Variants in VWC2L observed in about 807,000 individuals in gnomAD.
VWC2L encodes the protein von Willebrand factor C domain-containing protein 2-like.
In VWC2L, 10 loss-of-function variants were observed where a neutral mutation model predicts 21.6. The ratio of observed to expected loss-of-function variants is 0.46; its 90% CI spans 0.29 to 0.78. VWC2L has a LOEUF of 0.78. Among genes scored for constraint, VWC2L ranks in the 30% least tolerant of loss-of-function variants. VWC2L has a pLI of 0.10. For missense variants in VWC2L, 209 were observed against 277.1 expected (o/e 0.75, Z 1.74); for synonymous variants, 96 against 94.3 (o/e 1.02, Z -0.10).
In VWC2L at chr2:214,547,140, A is replaced by G. The variant is rs1444539796; in HGVS notation, c.521-28532A>G. On this transcript the variant is annotated intron_variant, in intron 3 of 3. Coordinates refer to ENST00000312504, the MANE Select transcript of VWC2L (RefSeq NM_001080500.4). The stretch of plus-strand genomic sequence containing the variant: ...TCTGAAGGCCCCCTTGAATGCTAAT[A>G]TATATGCAGAAGTAAACTGGAAGAT... Among the ~76,000 whole-genome samples, 4 of 152,282 alleles carry G rather than the reference A, an allele frequency of 2.6e-5. No individual in the cohort carries two copies. The East Asian group carries it at 7.7e-4, about 29-fold the overall frequency.
intron 3 of VWC2L, among the ~76,000 whole-genome samples, chr2:214,492,452 C>T (rs568531317): frequency 1.3e-4 from 20 of 152,162 alleles, no homozygotes; most frequent in Non-Finnish European, 2.8e-4. Flanking sequence ...AACAATAATG[C>T]ATCAAAGAGA....
intron 2 of VWC2L, among the ~76,000 whole-genome samples, chr2:214,435,413 A>G (rs1393482630): frequency 6.6e-6 from 1 of 152,218 alleles, no homozygotes. Flanking sequence ...TTTGAAAGCA[A>G]AGTAATTTAA....
chr2:214,460,126 C>T (rs1338078484), intron 3 of VWC2L, among the ~76,000 whole-genome samples: 1 of 152,014 alleles, frequency 6.6e-6, no homozygotes, highest in Non-Finnish European at 1.5e-5. Context: ...CAGTTTCACT[C>T]CTGACCTCAG....
At chr2:214,500,759 G>A (rs1404566546) in intron 3 of VWC2L, among the ~76,000 whole-genome samples, 2 of 152,206 alleles carry the variant, frequency 1.3e-5, no homozygotes, top group Non-Finnish European at 2.9e-5. Flanking sequence ...ATCAGTATCA[G>A]GTAGACAACT....
At chr2:214,514,022 G>C (rs1340834606) in intron 3 of VWC2L, among the ~76,000 whole-genome samples, 1 of 151,960 alleles carries the variant, frequency 6.6e-6, no homozygotes, top group Non-Finnish European at 1.5e-5. Flanking sequence ...CTTTGGCTTG[G>C]GGTTTTATTT....
chr2:214,576,033 A>C lies in VWC2L; in HGVS notation c.*213A>C. On this transcript the variant is annotated 3_prime_UTR_variant, in exon 4 of 4. Transcript: ENST00000312504. Reference sequence around the variant, plus strand: ...ATATATATAGTATATAGCTATCTAAATCGCTTTTGTATTTACCAATGCTTG... The same window carrying C: ...ATATATATAGTATATAGCTATCTAACTCGCTTTTGTATTTACCAATGCTTG... 3.1e-6 allele frequency: 1 copy of C among 326,344 alleles called. No homozygotes were observed. The allele number at this position is 326,344 out of a possible 1,614,324, so 20.2% of individuals were successfully genotyped here. A position where few individuals can be genotyped will look rare whatever the true frequency, so the allele number is the denominator to read the frequency against.
intron 2 of VWC2L, among the ~76,000 whole-genome samples, chr2:214,416,794 TAGG>T (rs1473775965): frequency 6.6e-6 from 1 of 152,044 alleles, no homozygotes; most frequent in African/African-American, 2.4e-5. Context: ...TCACTTTCCT[TAGG>T]AGGAGAGGTT....
At chr2:214,491,321 G>T (rs757316706) in intron 3 of VWC2L, among the ~76,000 whole-genome samples, 8 of 152,170 alleles carry the variant, frequency 5.3e-5, no homozygotes, top group Non-Finnish European at 1.2e-4. Flanking sequence ...ATCTGCAGAA[G>T]AAAGGGGTAA....
intron 3 of VWC2L, among the ~76,000 whole-genome samples, chr2:214,463,623 T>A (rs1703173897): frequency 6.6e-6 from 1 of 152,162 alleles, no homozygotes; most frequent in African/African-American, 2.4e-5. Context: ...TTCTTCATTC[T>A]TTTTCATTTT....
intron 3 of VWC2L, among the ~76,000 whole-genome samples, chr2:214,553,291 T>C (rs1297161777): frequency 6.6e-6 from 1 of 152,266 alleles, no homozygotes; most frequent in Non-Finnish European, 1.5e-5. Context: ...GAGTGACTGA[T>C]GGCCTATGAC....
intron 3 of VWC2L, among the ~76,000 whole-genome samples, chr2:214,563,769 A>T (rs1198801198): frequency 1.3e-5 from 2 of 152,136 alleles, no homozygotes; most frequent in Admixed American, 6.6e-5. Flanking sequence ...ACTCCCCTTG[A>T]AAACCAGTAC....
At chr2:214,563,266 G>A (rs1030881805) in intron 3 of VWC2L, among the ~76,000 whole-genome samples, 1 of 152,068 alleles carries the variant, frequency 6.6e-6, no homozygotes, top group African/African-American at 2.4e-5. Context: ...AGTGGTTGTA[G>A]GCCGGGTGCG....
At position 214,452,439 on chromosome 2, in the gene VWC2L, A is replaced by G. The variant is rs550327490; in HGVS notation, c.520+15681A>G. Reference sequence around the variant, plus strand: ...TTCATACATGCTGTGGCATGTATCAATGGTTCATTCCTTTTTAACTACTTG... The same window carrying G: ...TTCATACATGCTGTGGCATGTATCAGTGGTTCATTCCTTTTTAACTACTTG... On this transcript the variant is annotated intron_variant, in intron 3 of 3. Transcript: ENST00000312504. Among the ~76,000 whole-genome samples, 25 of 152,286 alleles carry G rather than the reference A, an allele frequency of 1.6e-4. 1 individual carries two copies. Among genetic ancestry groups the G allele is most frequent in the Middle Eastern group, 3.4e-3 (1 of 294 alleles).
chr2:214,541,578 G>A (rs1003599257), intron 3 of VWC2L, among the ~76,000 whole-genome samples: 1 of 152,214 alleles, frequency 6.6e-6, no homozygotes, highest in African/African-American at 2.4e-5. Flanking sequence ...AGCATGCAGT[G>A]TGATGAAGAC....
At chr2:214,432,025 G>A (rs747256489) in intron 2 of VWC2L, among the ~76,000 whole-genome samples, 2 of 152,086 alleles carry the variant, frequency 1.3e-5, no homozygotes, top group Admixed American at 6.6e-5. Flanking sequence ...GTTATTTCAC[G>A]ACTCACAGTC....
At chr2:214,521,978 A>T (rs1689248133) in intron 3 of VWC2L, among the ~76,000 whole-genome samples, 1 of 152,236 alleles carries the variant, frequency 6.6e-6, no homozygotes, top group African/African-American at 2.4e-5. Context: ...AGCAGGCAGG[A>T]AGCAGTGATA....
At chr2:214,434,024 A>G (rs530721198) in intron 2 of VWC2L, among the ~76,000 whole-genome samples, 3 of 152,218 alleles carry the variant, frequency 2.0e-5, no homozygotes, top group African/African-American at 7.2e-5. Context: ...GCATATGATA[A>G]GAGATTCTGA....
chr2:214,557,068 C>G (rs1320665517), intron 3 of VWC2L, among the ~76,000 whole-genome samples: 2 of 152,082 alleles, frequency 1.3e-5, no homozygotes, highest in African/African-American at 2.4e-5. Flanking sequence ...AGTGACATGC[C>G]TGAGGTCACA....
intron 3 of VWC2L, among the ~76,000 whole-genome samples, chr2:214,513,470 A>C (rs1689090471): frequency 6.6e-6 from 1 of 152,148 alleles, no homozygotes; most frequent in South Asian, 2.1e-4. Flanking sequence ...AAAGATTCTC[A>C]TTTGACATTT....
Sources: gnomAD v4.1 joint callset for allele counts (sites outside exome capture counted in the v4.1 genomes callset) on GRCh38, gnomAD v4.1.1 for gene constraint, MANE v1.5 for transcripts, NCBI Gene and HGNC (gene_info 2026-07-23, HGNC 2026-07-21) for gene names.